The following CSMD1 variants were observed in gnomAD, a reference collection of about 807,000 sequenced individuals.
The protein encoded by CSMD1 is CUB and Sushi multiple domains 1.
In CSMD1, 213 loss-of-function variants were observed where a neutral mutation model predicts 417.5. The ratio of observed to expected loss-of-function variants is 0.51; its 90% CI spans 0.46 to 0.57. The LOEUF (loss-of-function observed/expected upper bound fraction) is 0.57. Ranked by LOEUF, CSMD1 falls within the 20% of genes least tolerant of loss-of-function variation. CSMD1 has a pLI of 0.00. For missense variants in CSMD1, 6,923 were observed against 4,529.7 expected (o/e 1.53, Z -15.17); for synonymous variants, 2,862 against 1,736.8 (o/e 1.65, Z -16.11).
chr8:2,988,055 A>C (rs645944), intron 54 of CSMD1, among the ~76,000 whole-genome samples: 2 of 152,336 alleles, frequency 1.3e-5, no homozygotes, highest in South Asian at 4.1e-4. Context: ...AGTTATTAAA[A>C]TAACTATTTT....
intron 23 of CSMD1, among the ~76,000 whole-genome samples, 168 bp from the exon 24 acceptor site, chr8:3,308,671 T>C (rs1301088722): frequency 6.6e-6 from 1 of 152,046 alleles, no homozygotes; most frequent in East Asian, 1.9e-4. Flanking sequence ...CTGGGGCTAT[T>C]TGTTACCCAT....
At chr8:4,440,215 A>G (rs1221812644) in intron 2 of CSMD1, among the ~76,000 whole-genome samples, 2 of 152,218 alleles carry the variant, frequency 1.3e-5, no homozygotes, top group Non-Finnish European at 2.9e-5. Context: ...CTTTTGAAAT[A>G]TGCCCTACCT....
At chr8:3,133,755 C>A (rs1343695376) in intron 41 of CSMD1, among the ~76,000 whole-genome samples, 1 of 152,190 alleles carries the variant, frequency 6.6e-6, no homozygotes, top group Admixed American at 6.5e-5. Context: ...GACTCATTCC[C>A]CCTCCATGAA....
chr8:4,209,269 T>G (rs1800161373), intron 3 of CSMD1, among the ~76,000 whole-genome samples: 1 of 152,190 alleles, frequency 6.6e-6, no homozygotes, highest in African/African-American at 2.4e-5. Flanking sequence ...CCAGCTGGCC[T>G]CTTTCCTTCA....
intron 40 of CSMD1, among the ~76,000 whole-genome samples, chr8:3,144,823 G>A (rs1266802389): frequency 2.1e-5 from 3 of 141,616 alleles, no homozygotes; most frequent in African/African-American, 5.3e-5. Flanking sequence ...GAGGGAGAAG[G>A]GGTAAGGGAG....
At chr8:3,909,639 G>A (rs1393434588) in intron 5 of CSMD1, among the ~76,000 whole-genome samples, 3 of 152,102 alleles carry the variant, frequency 2.0e-5, no homozygotes, top group East Asian at 3.9e-4. Flanking sequence ...TGTGCTGCAG[G>A]AATGGGTGAA....
intron 3 of CSMD1, among the ~76,000 whole-genome samples, chr8:4,292,539 G>A (rs1029511384): frequency 1.3e-5 from 2 of 152,092 alleles, no homozygotes; most frequent in African/African-American, 2.4e-5. Context: ...GCCCAGGCGT[G>A]AGCCACCGTG....
intron 5 of CSMD1, among the ~76,000 whole-genome samples, chr8:3,830,406 G>A (rs375252710): frequency 6.6e-6 from 1 of 152,182 alleles, no homozygotes; most frequent in African/African-American, 2.4e-5. Context: ...CTTCCAATCA[G>A]ATGATACCCA....
intron 3 of CSMD1, among the ~76,000 whole-genome samples, chr8:4,312,231 G>C (rs71502984): frequency 6.6e-6 from 1 of 151,486 alleles, no homozygotes; most frequent in Non-Finnish European, 1.5e-5. Flanking sequence ...CATAGATAGC[G>C]TAACTGATCA....
intron 3 of CSMD1, among the ~76,000 whole-genome samples, chr8:4,191,155 G>T (rs1268297552): frequency 6.6e-6 from 1 of 152,150 alleles, no homozygotes; most frequent in Admixed American, 6.6e-5. Context: ...CCAGCACTTT[G>T]GGAGGCCGAG....
At chr8:3,980,239 G>T (rs959601049) in intron 5 of CSMD1, among the ~76,000 whole-genome samples, 1 of 152,154 alleles carries the variant, frequency 6.6e-6, no homozygotes. Context: ...GGCATAGATG[G>T]GAACTTAACT....
chr8:3,806,290 C>T (rs551548020), intron 5 of CSMD1, among the ~76,000 whole-genome samples: 4 of 152,232 alleles, frequency 2.6e-5, no homozygotes, highest in African/African-American at 4.8e-5. Context: ...TTCTGTCTAT[C>T]GTAATGATGG....
chr8:3,378,321 C>A lies in CSMD1; in HGVS notation c.2783-8951G>T, dbSNP rs567730500. ...TCACAGTCGAATTCTCCCAGAAGTA[C>A]AAAGAGGAGCTGGTACCATTCCTTC... On this transcript the variant is annotated intron_variant, in intron 18 of 69. Coordinates refer to ENST00000635120, the MANE Select transcript of CSMD1 (RefSeq NM_033225.6). 3.9e-5 allele frequency among the ~76,000 whole-genome samples: 6 copies of A among 152,230 alleles called. No individual in the cohort carries two copies. The East Asian group carries it at 1.2e-3, about 29-fold the overall frequency.
intron 7 of CSMD1, among the ~76,000 whole-genome samples, chr8:3,644,331 G>A (rs983260533): frequency 1.3e-5 from 2 of 152,174 alleles, no homozygotes; most frequent in Non-Finnish European, 2.9e-5. Context: ...GGTCTTAGAG[G>A]CAAATGGCCT....
intron 5 of CSMD1, among the ~76,000 whole-genome samples, chr8:3,844,006 G>A (rs552973211): frequency 6.6e-6 from 1 of 152,122 alleles, no homozygotes; most frequent in Non-Finnish European, 1.5e-5. Flanking sequence ...ATCCAGCACT[G>A]ATAATATGTA....
intron 3 of CSMD1, among the ~76,000 whole-genome samples, chr8:4,320,853 T>G (rs938840040): frequency 1.3e-5 from 2 of 152,182 alleles, no homozygotes; most frequent in African/African-American, 4.8e-5. Context: ...GGATTATAAA[T>G]CATTCTACTA....
intron 1 of CSMD1, among the ~76,000 whole-genome samples, chr8:4,871,060 T>G (rs755997207): frequency 2.0e-5 from 3 of 152,090 alleles, no homozygotes; most frequent in Non-Finnish European, 4.4e-5. Context: ...TGCTGGGAGG[T>G]GAGGCAGTTG....
intron 10 of CSMD1, among the ~76,000 whole-genome samples, chr8:3,539,640 C>A (rs531030117): frequency 1.3e-5 from 2 of 152,240 alleles, no homozygotes; most frequent in South Asian, 2.1e-4. Flanking sequence ...CTCCCTCCCC[C>A]ATCCCTCACT....
intron 3 of CSMD1, among the ~76,000 whole-genome samples, chr8:4,124,997 T>A (rs2130956021): frequency 6.6e-6 from 1 of 151,722 alleles, no homozygotes; most frequent in South Asian, 2.1e-4. Context: ...TTCCTTTCAC[T>A]TTCATAAATC....
Sources: gnomAD v4.1 joint callset for allele counts (sites outside exome capture counted in the v4.1 genomes callset) on GRCh38, gnomAD v4.1.1 for gene constraint, MANE v1.5 for transcripts, NCBI Gene and HGNC (gene_info 2026-07-23, HGNC 2026-07-21) for gene names.